Variants in CLMN observed in about 807,000 individuals in gnomAD.
CLMN encodes the protein calmin (calponin-like, transmembrane).
In CLMN, 57 loss-of-function variants were observed where a neutral mutation model predicts 92.7. The observed-to-expected ratio is 0.61, with a 90% confidence interval of 0.50 to 0.77. The LOEUF is 0.77. CLMN is among the 30% of genes least tolerant of loss of function. CLMN has a pLI of 0.00. For synonymous variants in CLMN, 466 were observed against 470.6 expected, an observed-to-expected ratio of 0.99 and a Z score of 0.13; for missense variants, 1,158 against 1,237.5, an observed-to-expected ratio of 0.94 and a Z score of 0.96.
chr14:95,230,719 T>C (rs1428884098), intron 1 of CLMN, among the ~76,000 whole-genome samples: 3 of 152,194 alleles, frequency 2.0e-5, no homozygotes, highest in Non-Finnish European at 4.4e-5. Context: ...GAGCTCACTC[T>C]CCAAGCTGCT....
At chr14:95,216,520 A>T (rs1280564638) in intron 4 of CLMN, among the ~76,000 whole-genome samples, 1 of 152,252 alleles carries the variant, frequency 6.6e-6, no homozygotes, top group African/African-American at 2.4e-5. Flanking sequence ...AATGCCCAGT[A>T]CATCTGTCTG....
At chr14:95,293,875 G>A (rs781451157) in intron 1 of CLMN, among the ~76,000 whole-genome samples, 5 of 152,130 alleles carry the variant, frequency 3.3e-5, no homozygotes, top group Non-Finnish European at 5.9e-5. Context: ...TACGTGGTAC[G>A]GAATGAGGCA....
chr14:95,282,354 T>C (rs1900173196), intron 1 of CLMN, among the ~76,000 whole-genome samples: 2 of 152,200 alleles, frequency 1.3e-5, no homozygotes, highest in African/African-American at 4.8e-5. Context: ...GAAGCAAGTA[T>C]AGGCCAAGAA....
rs568578077 is a variant in CLMN, at chr14:95,219,757, T to G, written c.324+1934A>C. On this transcript the variant is annotated intron_variant, in intron 4 of 12. Transcript: ENST00000298912. ...ATTGACTCAACAGAAAGGGAGGCTT[T>G]TAATGAACAGGGGGTAGGCTTTCTT... Among the ~76,000 whole-genome samples the G allele has an allele frequency of 2.6e-5, 4 of 152,348 alleles. No homozygotes were observed. In the East Asian group the frequency reaches 7.7e-4, roughly 29 times the overall value.
intron 1 of CLMN, among the ~76,000 whole-genome samples, chr14:95,277,079 C>CA (rs1376315547): frequency 6.6e-6 from 1 of 152,268 alleles, no homozygotes; most frequent in East Asian, 1.9e-4. Flanking sequence ...TCTTACAAGT[C>CA]AGGCTTCAGC....
chr14:95,237,512 G>C (rs1197111913), intron 1 of CLMN, among the ~76,000 whole-genome samples: 2 of 152,256 alleles, frequency 1.3e-5, no homozygotes, highest in Non-Finnish European at 2.9e-5. Flanking sequence ...GATCATTTGA[G>C]AGCAAAGGTC....
chr14:95,304,153 C>A (rs1901175156), intron 1 of CLMN, among the ~76,000 whole-genome samples: 1 of 152,028 alleles, frequency 6.6e-6, no homozygotes, highest in African/African-American at 2.4e-5. Context: ...ACCTGGGCAA[C>A]ATAGTGAGAC....
intron 1 of CLMN, among the ~76,000 whole-genome samples, chr14:95,313,642 A>C (rs1352213716): frequency 3.1e-5 from 4 of 129,194 alleles, no homozygotes; most frequent in African/African-American, 5.5e-5. Context: ...TGTTTAAACA[A>C]AAAAAAAAAA....
chr14:95,262,919 A>G (rs868187718), intron 1 of CLMN, among the ~76,000 whole-genome samples: 8 of 152,140 alleles, frequency 5.3e-5, no homozygotes, highest in Non-Finnish European at 1.2e-4. Flanking sequence ...CATGTGTCCA[A>G]GGCCACGCAG....
rs960334402 is a variant in CLMN at position 95,189,303 on chromosome 14, C to G, written c.*2261G>C. On this transcript the variant is annotated 3_prime_UTR_variant, in exon 13 of 13. Coordinates refer to ENST00000298912, the MANE Select transcript of CLMN (RefSeq NM_024734.4). ...GTTGAAAGTGGTTACTTCTAAGCAG[C>G]GAGACTTAGGGGACTGCTAGTTCTT... The G allele has an allele frequency of 6.6e-6, 1 of 152,158 alleles. No individual in the cohort carries two copies. Among genetic ancestry groups the G allele is most frequent in the South Asian group, 2.1e-4 (1 of 4,826 alleles). The allele number at this position is 152,158 out of a possible 1,614,324, so 9.4% of individuals were successfully genotyped here. A position where few individuals can be genotyped will look rare whatever the true frequency, so the allele number is the denominator to read the frequency against.
intron 10 of CLMN, among the ~76,000 whole-genome samples, chr14:95,195,227 C>T (rs1324054756): frequency 1.3e-5 from 2 of 152,244 alleles, no homozygotes; most frequent in African/African-American, 4.8e-5. Context: ...TAGGGAGAAG[C>T]TGAGCAGTTG....
At chr14:95,220,555 G>A (rs762486706) in intron 4 of CLMN, among the ~76,000 whole-genome samples, 5 of 152,194 alleles carry the variant, frequency 3.3e-5, no homozygotes, top group Non-Finnish European at 5.9e-5. Flanking sequence ...GTTGTGAATT[G>A]TGCTGCCATG....
Position 95,194,565 on chromosome 14 carries a change from G to A in CLMN, c.2740C>T (p.Arg914Ter), listed in dbSNP as rs778660052. 5.0e-6 allele frequency: 8 copies of A among 1,614,034 alleles called. No homozygotes were observed. The South Asian group carries it at 5.5e-5, about 11-fold the overall frequency. Residue 914 changes from arginine (R) to a stop codon, truncating the protein, a stop_gained, in exon 11 of 13, where the codon CGA becomes TGA. Transcript: ENST00000298912. LOFTEE classifies it high-confidence loss of function. This position sits in a 1 kb window ranked among gnomAD's most constrained non-coding sequence, Gnocchi z 4.0. ...TCCGAAGACCTATGAGTATGTCGTC[G>A]AAGGTAAATGCTGGAGTCACTGTGA... Reference protein sequence around the residue: ...TSHSDSSIYLRRHTHRSSESD... With the variant: ...TSHSDSSIYL
chr14:95,312,070 C>A (rs1250925482), intron 1 of CLMN, among the ~76,000 whole-genome samples: 2 of 152,156 alleles, frequency 1.3e-5, no homozygotes, highest in Non-Finnish European at 2.9e-5. Flanking sequence ...TGTTCTCCAC[C>A]AAACTCACAG....
chr14:95,271,112 G>A (rs1383189656), intron 1 of CLMN, among the ~76,000 whole-genome samples: 1 of 152,140 alleles, frequency 6.6e-6, no homozygotes, highest in Non-Finnish European at 1.5e-5. Flanking sequence ...TATCTTCTAT[G>A]AAGAAATATC....
At chr14:95,196,774 G>T in intron 9 of CLMN, 80 bp from the exon 10 acceptor site, 1 of 1,380,208 alleles carries the variant, frequency 7.2e-7, no homozygotes, top group Non-Finnish European at 9.9e-7. Context: ...GCAGTGCTCT[G>T]CCCAGGCCCA....
chr14:95,213,502 A>T, intron 5 of CLMN, 93 bp from the exon 6 acceptor site: 1 of 1,185,482 alleles, frequency 8.4e-7, no homozygotes, highest in Admixed American at 2.6e-5. Context: ...CCATGGCTGG[A>T]GGGACCGGCT....
At chr14:95,317,375 A>C (rs1056829350) in intron 1 of CLMN, among the ~76,000 whole-genome samples, 2 of 152,328 alleles carry the variant, frequency 1.3e-5, no homozygotes, top group South Asian at 4.1e-4. Context: ...TGCTAAGCAA[A>C]GCACAACGCC....
chr14:95,304,256 A>G (rs1287142212), intron 1 of CLMN, among the ~76,000 whole-genome samples: 2 of 151,974 alleles, frequency 1.3e-5, no homozygotes, highest in Non-Finnish European at 2.9e-5. Flanking sequence ...GGTTTGATTG[A>G]GCCTAGGAGT....
Sources: gnomAD v4.1 joint callset for allele counts (sites outside exome capture counted in the v4.1 genomes callset) on GRCh38, gnomAD v4.1.1 for gene constraint, Gnocchi (gnomAD v3.1) non-coding constraint, MANE v1.5 for transcripts, NCBI Gene and HGNC (gene_info 2026-07-23, HGNC 2026-07-21) for gene names.